Variants in NSUN3 observed in about 807,000 individuals in gnomAD.
The protein encoded by NSUN3 is tRNA (cytosine(34)-C(5))-methyltransferase, mitochondrial.
NSUN3 carries 24 observed loss-of-function variants against 36.8 expected under a neutral mutation model. The observed-to-expected ratio is 0.65, with a 90% CI of 0.47 to 0.92. The LOEUF (loss-of-function observed/expected upper bound fraction) is 0.92, where lower values mean the gene tolerates loss of function less well. NSUN3 is among the 40% of genes least tolerant of loss of function. The pLI is 0.00. For synonymous variants in NSUN3, 146 were observed against 145.2 expected (o/e 1.01, Z -0.04); for missense variants, 381 against 392.8 (o/e 0.97, Z 0.25).
intron 5 of NSUN3, among the ~76,000 whole-genome samples, chr3:94,098,072 C>CA (rs1362534296): frequency 6.6e-6 from 1 of 152,100 alleles, no homozygotes; most frequent in Non-Finnish European, 1.5e-5. Context: ...ATCGACAAAA[C>CA]AAAAAATCAG....
intron 5 of NSUN3, among the ~76,000 whole-genome samples, chr3:94,118,444 T>G (rs1239909095): frequency 6.6e-6 from 1 of 152,202 alleles, no homozygotes; most frequent in Non-Finnish European, 1.5e-5. Context: ...TTAGAAAGTT[T>G]ACTGTTATCA....
intron 5 of NSUN3, among the ~76,000 whole-genome samples, chr3:94,111,140 G>A (rs189606210): frequency 1.2e-4 from 19 of 152,238 alleles, no homozygotes. Flanking sequence ...GTAGGCAGTT[G>A]TAACACAGTG....
In NSUN3 at chr3:94,063,138, G is replaced by A. The variant is rs749434221; in HGVS notation, c.12G>A (p.Gln4=). Residue 4 remains glutamine, a splice_region_variant and synonymous_variant, in exon 1 of 6, where the codon CAG becomes CAA. Transcript: ENST00000314622. MLT[Q]LKAKSEGKLA... ...CTCTCAGCGGGACAATGCTGACCCA[G>A]GTGAGACCTGGGGCCCGGCTGGGTA... 5.6e-6 allele frequency: 9 copies of A among 1,614,074 alleles called. No homozygotes were observed. The highest frequency in any genetic ancestry group is 5.5e-5 in the South Asian group (5 of 91,080).
At chr3:94,095,008 C>A in intron 4 of NSUN3, 25 bp from the exon 5 acceptor site, 2 of 1,611,980 alleles carry the variant, frequency 1.2e-6, no homozygotes, top group Non-Finnish European at 1.7e-6. Context: ...TGCATATTTG[C>A]ATCACTTGTC....
At chr3:94,097,740 C>T (rs903465777) in intron 5 of NSUN3, among the ~76,000 whole-genome samples, 1 of 152,172 alleles carries the variant, frequency 6.6e-6, no homozygotes, top group Non-Finnish European at 1.5e-5. Flanking sequence ...CATTTGTGAT[C>T]AGAGGCTTTC....
chr3:94,104,882 T>G (rs1180025724), intron 5 of NSUN3, among the ~76,000 whole-genome samples: 1 of 152,230 alleles, frequency 6.6e-6, no homozygotes, highest in East Asian at 1.9e-4. Context: ...GATGATACTT[T>G]AAGCGTTTCA....
intron 2 of NSUN3, among the ~76,000 whole-genome samples, chr3:94,081,118 G>T (rs115302863): frequency 6.6e-6 from 1 of 152,184 alleles, no homozygotes; most frequent in Non-Finnish European, 1.5e-5. Flanking sequence ...GGAGTGCATG[G>T]TTCCTTAGGC....
At chr3:94,085,594 A>C (rs2077289147) in intron 3 of NSUN3, among the ~76,000 whole-genome samples, 1 of 152,268 alleles carries the variant, frequency 6.6e-6, no homozygotes, top group East Asian at 1.9e-4. Flanking sequence ...CTGTCTGTAC[A>C]AAAAGATTCA....
intron 5 of NSUN3, among the ~76,000 whole-genome samples, chr3:94,112,260 CA>C (rs747655087): frequency 6.2e-4 from 95 of 152,316 alleles, no homozygotes; most frequent in Non-Finnish European, 6.6e-4. Context: ...ATCTGAATAT[CA>C]TGGTTCAGCC....
At chr3:94,084,505 A>G in intron 3 of NSUN3, 55 bp downstream of exon 3, 1 of 1,337,850 alleles carries the variant, frequency 7.5e-7, no homozygotes. Flanking sequence ...TATGTTATAG[A>G]GAATTCTGAA....
Position 94,063,221 on chromosome 3 carries a change from G to C in NSUN3, c.12+83G>C. 2.9e-6 allele frequency: 4 copies of C among 1,363,026 alleles called. No homozygotes were observed. The South Asian group carries it at 4.7e-5, about 16-fold the overall frequency. 84.4% of individuals were successfully genotyped at this position (1,363,026 alleles called of 1,614,324 possible). A position where few individuals can be genotyped will look rare whatever the true frequency, so the allele number is the denominator to read the frequency against. On this transcript the variant is annotated intron_variant, in intron 1 of 5. Transcript: ENST00000314622. ...CCGAGGTGGCGAGGGAGGGTGCTGG[G>C]ATGGGGGAACATCACCTTTGTTCGT...
At chr3:94,101,325 G>A (rs1477681953) in intron 5 of NSUN3, among the ~76,000 whole-genome samples, 1 of 151,916 alleles carries the variant, frequency 6.6e-6, no homozygotes, top group South Asian at 2.1e-4. Flanking sequence ...ACTGTTAGTA[G>A]ATATGTAATA....
chr3:94,119,257 T>C (rs549906146), intron 5 of NSUN3, among the ~76,000 whole-genome samples: 1 of 152,320 alleles, frequency 6.6e-6, no homozygotes, highest in East Asian at 1.9e-4. Flanking sequence ...AAATACTGGT[T>C]TTTAAATCAT....
At chr3:94,077,190 C>T in intron 2 of NSUN3, 1 of 691,704 alleles carries the variant, frequency 1.4e-6, no homozygotes. Context: ...CCAGGCGAGC[C>T]AGGGGAATAC....
At chr3:94,086,829 C>G (rs1033571010) in intron 3 of NSUN3, among the ~76,000 whole-genome samples, 5 of 152,142 alleles carry the variant, frequency 3.3e-5, no homozygotes, top group Admixed American at 6.5e-5. Flanking sequence ...ATTTTTACTT[C>G]TACTCTATGT....
chr3:94,122,942 T>A (rs1433886833), intron 5 of NSUN3, among the ~76,000 whole-genome samples: 2 of 152,228 alleles, frequency 1.3e-5, no homozygotes, highest in African/African-American at 2.4e-5. Flanking sequence ...TCTATAAATA[T>A]TGTCCACTGC....
At position 94,095,697 on chromosome 3, in the gene NSUN3, C is replaced by G. The variant is rs973623365; in HGVS notation, c.743+543C>G. 2.0e-5 allele frequency among the ~76,000 whole-genome samples: 3 copies of G among 152,154 alleles called. 1 individual carries two copies. Among genetic ancestry groups the G allele is most frequent in the South Asian group, 4.1e-4 (2 of 4,828 alleles). ...TCCAACAGCGATTTTGACATATGCC[C>G]TACTCCCATGTAATTCTCTTGTTTA... On this transcript the variant is annotated intron_variant, in intron 5 of 5. Coordinates refer to ENST00000314622, the MANE Select transcript of NSUN3 (RefSeq NM_022072.5).
intron 5 of NSUN3, among the ~76,000 whole-genome samples, chr3:94,125,615 G>A (rs973864953): frequency 2.0e-5 from 3 of 152,092 alleles, no homozygotes; most frequent in African/African-American, 4.8e-5. Flanking sequence ...TACTCCCATC[G>A]ATTTAAAGAC....
intron 5 of NSUN3, among the ~76,000 whole-genome samples, chr3:94,098,901 C>T (rs1412383590): frequency 6.6e-6 from 1 of 152,066 alleles, no homozygotes; most frequent in Non-Finnish European, 1.5e-5. Context: ...TTGTCAGTTC[C>T]TCTGCTACTC....
Sources: allele counts gnomAD v4.1 joint callset (sites outside exome capture counted in the v4.1 genomes callset), GRCh38; gene constraint gnomAD v4.1.1; transcripts MANE v1.5; gene names NCBI Gene and HGNC (gene_info 2026-07-23, HGNC 2026-07-21).